UTRN: variants seen among roughly 807,000 people sequenced by gnomAD.
The protein encoded by UTRN is utrophin, also known as dystrophin-related protein 1.
Under a neutral mutation model 463.9 loss-of-function variants are expected in UTRN, and 283 were observed. The ratio of observed to expected loss-of-function variants is 0.61; its 90% CI spans 0.55 to 0.67. The LOEUF (loss-of-function observed/expected upper bound fraction) is 0.67. UTRN is among the 30% of genes least tolerant of loss of function. The pLI is 0.00. For missense variants in UTRN, 3,922 were observed against 4,084.3 expected, an observed-to-expected ratio of 0.96 and a Z score of 1.08; for synonymous variants, 1,442 against 1,431.5, an observed-to-expected ratio of 1.01 and a Z score of -0.17.
At chr6:144,395,537 C>G (rs1310582443) in intron 2 of UTRN, among the ~76,000 whole-genome samples, 1 of 151,656 alleles carries the variant, frequency 6.6e-6, no homozygotes, top group Admixed American at 6.6e-5. Context: ...AACATTATCT[C>G]CTATATTCCT....
intron 2 of UTRN, among the ~76,000 whole-genome samples, chr6:144,331,899 C>T (rs144718613): frequency 1.8e-4 from 27 of 152,192 alleles, no homozygotes; most frequent in African/African-American, 6.3e-4. Context: ...TTTGGAAAGG[C>T]AAATATTCAG....
At chr6:144,521,394 A>G (rs983882746) in intron 39 of UTRN, among the ~76,000 whole-genome samples, 3 of 152,206 alleles carry the variant, frequency 2.0e-5, no homozygotes, top group African/African-American at 7.2e-5. Flanking sequence ...CTGTCTAAAT[A>G]TGACACTTCA....
At position 144,429,721 on chromosome 6, in the gene UTRN, G is replaced by A. The variant is rs565968197; in HGVS notation, c.835G>A (p.Glu279Lys). Residue 279 changes from glutamate (E) to lysine (K), a missense_variant, in exon 9 of 75, where the codon GAA (glutamate) becomes AAA (lysine). Coordinates refer to ENST00000367545, the MANE Select transcript of UTRN (RefSeq NM_007124.3). ...AAGGAAATATAAAAAAGAATGTGAA[G>A]AAGAGGCAATTAATATACAGGTACA... ...LPRKYKKECE[E>K]EAINIQSTAP... 5.6e-6 allele frequency: 9 copies of A among 1,611,016 alleles called. No homozygotes were observed. The East Asian group carries it at 2.0e-4, about 36-fold the overall frequency.
intron 50 of UTRN, among the ~76,000 whole-genome samples, chr6:144,574,052 T>C (rs1215252420): frequency 6.6e-6 from 1 of 152,166 alleles, no homozygotes; most frequent in Non-Finnish European, 1.5e-5. Context: ...AGGATTGTGA[T>C]AAATGGAGAG....
At chr6:144,731,415 A>G (rs888431536) in intron 54 of UTRN, among the ~76,000 whole-genome samples, 4 of 152,258 alleles carry the variant, frequency 2.6e-5, no homozygotes, top group Non-Finnish European at 5.9e-5. Flanking sequence ...ATCGTTTTTC[A>G]TCATTCACTT....
chr6:144,319,380 A>C (rs1199660182), intron 2 of UTRN, among the ~76,000 whole-genome samples: 1 of 152,182 alleles, frequency 6.6e-6, no homozygotes, highest in Non-Finnish European at 1.5e-5. Context: ...AAATTGTTTC[A>C]TGAGGCATTT....
intron 51 of UTRN, among the ~76,000 whole-genome samples, chr6:144,621,821 T>A (rs1005462974): frequency 2.6e-5 from 4 of 152,188 alleles, no homozygotes; most frequent in Admixed American, 2.6e-4. Context: ...TAAGCTGATC[T>A]GTTTGGTTTA....
intron 25 of UTRN, among the ~76,000 whole-genome samples, chr6:144,479,024 C>A (rs1399097990): frequency 2.6e-5 from 4 of 151,752 alleles, no homozygotes; most frequent in African/African-American, 7.3e-5. Flanking sequence ...TCTTTAATAG[C>A]AGCCTCTCCC....
chr6:144,366,155 G>A (rs887905412), intron 2 of UTRN, among the ~76,000 whole-genome samples: 3 of 152,232 alleles, frequency 2.0e-5, no homozygotes, highest in Non-Finnish European at 4.4e-5. Context: ...AAAAGTTGAT[G>A]TGTTAAAGCA....
intron 2 of UTRN, among the ~76,000 whole-genome samples, chr6:144,392,742 C>T (rs1782048667): frequency 6.6e-6 from 1 of 152,150 alleles, no homozygotes; most frequent in South Asian, 2.1e-4. Context: ...GTGATCTTGG[C>T]AAGCTTTTGT....
chr6:144,654,666 C>T (rs936665044), intron 51 of UTRN, among the ~76,000 whole-genome samples: 1 of 152,224 alleles, frequency 6.6e-6, no homozygotes, highest in African/African-American at 2.4e-5. Flanking sequence ...CAGGCTTGTG[C>T]TGTCAGTAGA....
intron 2 of UTRN, among the ~76,000 whole-genome samples, chr6:144,318,617 C>T (rs890226966): frequency 1.3e-5 from 2 of 152,192 alleles, no homozygotes; most frequent in African/African-American, 2.4e-5. Flanking sequence ...GCACTTGCCA[C>T]CACGCCTGGC....
chr6:144,444,081 G>C (rs921062322), intron 13 of UTRN, among the ~76,000 whole-genome samples, 200 bp from the exon 14 acceptor site: 2 of 152,126 alleles, frequency 1.3e-5, no homozygotes, highest in East Asian at 3.8e-4. Context: ...GAAATCATTT[G>C]TTCAATTCTA....
At chr6:144,587,354 A>G (rs1343506862) in intron 51 of UTRN, among the ~76,000 whole-genome samples, 1 of 152,176 alleles carries the variant, frequency 6.6e-6, no homozygotes, top group Admixed American at 6.5e-5. Context: ...TTGACCAGTG[A>G]TGTCTACAAA....
intron 25 of UTRN, among the ~76,000 whole-genome samples, chr6:144,479,382 G>A (rs1584951686): frequency 6.6e-6 from 1 of 152,218 alleles, no homozygotes; most frequent in South Asian, 2.1e-4. Context: ...GCCTCCCAAA[G>A]TGCTGGGATT....
At chr6:144,401,488 A>G (rs1183901727) in intron 2 of UTRN, among the ~76,000 whole-genome samples, 1 of 152,162 alleles carries the variant, frequency 6.6e-6, no homozygotes, top group East Asian at 1.9e-4. Flanking sequence ...GGCCTTGATC[A>G]GATAATATAA....
At chr6:144,771,855 T>G in intron 58 of UTRN, 52 bp from the exon 59 acceptor site, 4 of 1,471,774 alleles carry the variant, frequency 2.7e-6, no homozygotes, top group Non-Finnish European at 3.7e-6. Flanking sequence ...TTGGCCTATA[T>G]GAAGTTTTTT....
intron 41 of UTRN, among the ~76,000 whole-genome samples, chr6:144,529,246 G>T (rs925155325): frequency 2.0e-5 from 3 of 152,228 alleles, no homozygotes; most frequent in Admixed American, 6.5e-5. Flanking sequence ...ACTTGCCCCA[G>T]GTGACAAGTC....
intron 40 of UTRN, among the ~76,000 whole-genome samples, 160 bp from the exon 41 acceptor site, chr6:144,522,856 A>T (rs548722688): frequency 2.0e-5 from 3 of 148,406 alleles, no homozygotes; most frequent in African/African-American, 7.3e-5. Context: ...AAAACAGAGT[A>T]TCATTTAAAA....
Sources: allele counts gnomAD v4.1 joint callset (sites outside exome capture counted in the v4.1 genomes callset), GRCh38; gene constraint gnomAD v4.1.1; transcripts MANE v1.5; gene names NCBI Gene and HGNC (gene_info 2026-07-23, HGNC 2026-07-21).